The following STXBP6 variants were observed in gnomAD, a reference collection of about 807,000 sequenced individuals.
STXBP6 encodes the protein syntaxin-binding protein 6.
In STXBP6, 21 loss-of-function variants were observed where a neutral mutation model predicts 26.9. That is an observed-to-expected ratio of 0.78 (90% CI 0.55 to 1.12). The LOEUF (loss-of-function observed/expected upper bound fraction) is 1.12. STXBP6 is among the 50% of genes most tolerant of loss of function. The probability of loss-of-function intolerance (pLI) is 0.00; values close to 1 mark genes in which losing one functional copy is unlikely to be tolerated. For missense variants in STXBP6, 232 were observed against 257.9 expected, an observed-to-expected ratio of 0.90 and a Z score of 0.69; for synonymous variants, 97 against 92.6, an observed-to-expected ratio of 1.05 and a Z score of -0.27.
At chr14:24,880,788 A>G (rs2070328949) in intron 2 of STXBP6, among the ~76,000 whole-genome samples, 1 of 152,168 alleles carries the variant, frequency 6.6e-6, no homozygotes, top group South Asian at 2.1e-4. Flanking sequence ...GATTATGTAC[A>G]CCCCGGTACT....
chr14:24,931,991 T>A (rs921119277), intron 2 of STXBP6, among the ~76,000 whole-genome samples: 1 of 151,986 alleles, frequency 6.6e-6, no homozygotes, highest in East Asian at 1.9e-4. Flanking sequence ...GAGCAGCCCA[T>A]AAGGCGATAA....
chr14:24,897,010 CTT>C (rs1185378264), intron 2 of STXBP6, among the ~76,000 whole-genome samples: 1 of 152,150 alleles, frequency 6.6e-6, no homozygotes, highest in African/African-American at 2.4e-5. Context: ...GCTAGTGTCT[CTT>C]TGCACTAAAT....
At chr14:24,914,371 C>A (rs1050355905) in intron 2 of STXBP6, among the ~76,000 whole-genome samples, 4 of 152,090 alleles carry the variant, frequency 2.6e-5, no homozygotes, top group Non-Finnish European at 5.9e-5. Flanking sequence ...ACAGGATAGT[C>A]AAATGCTTGG....
intron 2 of STXBP6, among the ~76,000 whole-genome samples, chr14:24,892,732 G>A (rs1226345063): frequency 6.6e-6 from 1 of 152,164 alleles, no homozygotes; most frequent in African/African-American, 2.4e-5. Context: ...TTCCCACACT[G>A]GCTCCATCTG....
intron 2 of STXBP6, among the ~76,000 whole-genome samples, chr14:24,946,666 C>A (rs1471077487): frequency 6.6e-6 from 1 of 152,134 alleles, no homozygotes; most frequent in African/African-American, 2.4e-5. Flanking sequence ...GAAGAAATTA[C>A]AAGTGCCCAA....
At chr14:25,034,684 G>A (rs756940954) in intron 1 of STXBP6, among the ~76,000 whole-genome samples, 3 of 152,034 alleles carry the variant, frequency 2.0e-5, no homozygotes, top group Non-Finnish European at 4.4e-5. Context: ...GGCTAGTAAC[G>A]GCACCTAATT....
chr14:24,841,972 TA>T (rs951306050), intron 4 of STXBP6, among the ~76,000 whole-genome samples: 1 of 152,218 alleles, frequency 6.6e-6, no homozygotes, highest in African/African-American at 2.4e-5. Context: ...GTGGGAGATT[TA>T]AATTTCTTCC....
chr14:24,910,126 G>A (rs920697924), intron 2 of STXBP6, among the ~76,000 whole-genome samples: 64 of 152,138 alleles, frequency 4.2e-4, no homozygotes, highest in African/African-American at 1.0e-3. Context: ...GCACACGCCC[G>A]CTTCAGGACC....
intron 1 of STXBP6, among the ~76,000 whole-genome samples, chr14:24,987,066 G>C (rs1313979718): frequency 1.3e-5 from 2 of 151,660 alleles, no homozygotes; most frequent in Non-Finnish European, 2.9e-5. Flanking sequence ...TGTTTGATAG[G>C]AAGGAAAAAA....
chr14:24,964,387 T>C (rs189547285), intron 2 of STXBP6, among the ~76,000 whole-genome samples: 1 of 152,296 alleles, frequency 6.6e-6, no homozygotes, highest in Non-Finnish European at 1.5e-5. Flanking sequence ...GCAACCTCAC[T>C]GTGCTTGTGG....
chr14:24,820,188 C>T (rs2068097308), intron 4 of STXBP6, among the ~76,000 whole-genome samples: 1 of 152,176 alleles, frequency 6.6e-6, no homozygotes, highest in Admixed American at 6.6e-5. Flanking sequence ...GACTTTATGT[C>T]TTTGAATAAG....
intron 2 of STXBP6, among the ~76,000 whole-genome samples, chr14:24,868,103 G>A (rs971492145): frequency 3.3e-5 from 5 of 152,174 alleles, no homozygotes; most frequent in Non-Finnish European, 7.3e-5. Flanking sequence ...GGAGGCTGAG[G>A]TGGGAGGATT....
At chr14:25,011,189 C>T (rs2075020529) in intron 1 of STXBP6, among the ~76,000 whole-genome samples, 1 of 152,214 alleles carries the variant, frequency 6.6e-6, no homozygotes. Flanking sequence ...ACCCTGCAAC[C>T]TTTGACATAG....
chr14:24,928,137 C>T (rs977148925), intron 2 of STXBP6, among the ~76,000 whole-genome samples: 15 of 152,144 alleles, frequency 9.9e-5, no homozygotes, highest in Non-Finnish European at 1.0e-4. Flanking sequence ...CTACGAACTT[C>T]CTCTTCTCAC....
intron 1 of STXBP6, among the ~76,000 whole-genome samples, chr14:25,023,231 G>T (rs1447991683): frequency 6.6e-6 from 1 of 151,382 alleles, no homozygotes; most frequent in African/African-American, 2.4e-5. Flanking sequence ...TCAAATGGGA[G>T]TCTACTTTAC....
At chr14:24,964,112 T>C (rs991988677) in intron 2 of STXBP6, among the ~76,000 whole-genome samples, 2 of 151,880 alleles carry the variant, frequency 1.3e-5, no homozygotes, top group East Asian at 1.9e-4. Context: ...AGTGGGATTA[T>C]GCCCAATTCC....
At chr14:24,877,460 A>C (rs1326342551) in intron 2 of STXBP6, among the ~76,000 whole-genome samples, 1 of 152,150 alleles carries the variant, frequency 6.6e-6, no homozygotes, top group Non-Finnish European at 1.5e-5. Flanking sequence ...AACAATAAAC[A>C]GTCTCATTTC....
At position 25,017,098 on chromosome 14, in the gene STXBP6, T is replaced by C. The variant is rs141220276; in HGVS notation, c.-33+32780A>G. Among the ~76,000 whole-genome samples the C allele has an allele frequency of 1.9e-3, 293 of 152,320 alleles. 1 individual carries two copies. The highest frequency in any genetic ancestry group is 6.1e-3 in the African/African-American group (254 of 41,578). ...AAGTAGTATCTCTAATTTTACATATTTGCACTTAAGCACAAGCGTGTGTAA... is the reference window on the plus strand; with the variant it reads ...AAGTAGTATCTCTAATTTTACATATCTGCACTTAAGCACAAGCGTGTGTAA... On this transcript the variant is annotated intron_variant, in intron 1 of 5. Coordinates refer to ENST00000323944, the MANE Select transcript of STXBP6 (RefSeq NM_001394410.1).
intron 2 of STXBP6, 59 bp downstream of exon 2, chr14:24,974,606 G>C: frequency 3.5e-6 from 5 of 1,448,772 alleles, no homozygotes; most frequent in Non-Finnish European, 3.7e-6. Context: ...GGATACCTCA[G>C]AATGAACTGT....
Sources: allele counts gnomAD v4.1 joint callset (sites outside exome capture counted in the v4.1 genomes callset), GRCh38; gene constraint gnomAD v4.1.1; transcripts MANE v1.5; gene names NCBI Gene and HGNC (gene_info 2026-07-23, HGNC 2026-07-21).